Variants in SEL1L3 observed in about 807,000 individuals in gnomAD.
SEL1L3 encodes protein sel-1 homolog 3.
In SEL1L3, 76 loss-of-function variants were observed where a neutral mutation model predicts 142.8. The ratio of observed to expected loss-of-function variants is 0.53; its 90% CI spans 0.44 to 0.64. The LOEUF is 0.64. SEL1L3 is among the 30% of genes least tolerant of loss of function. SEL1L3 has a pLI of 0.00. For missense variants in SEL1L3, 1,262 were observed against 1,381.7 expected (o/e 0.91, Z 1.37); for synonymous variants, 504 against 519.6 (o/e 0.97, Z 0.41).
the SEL1L3 span, among the ~76,000 whole-genome samples, chr4:25,732,667 C>T: frequency 8.6e-5 from 13 of 151,968 alleles, no homozygotes; most frequent in Non-Finnish European, 1.6e-4. Flanking sequence ...GCCTCCCGCC[C>T]CACCACATTT....
chr4:25,830,058 A>C, intron 6 of SEL1L3, 40 bp downstream of exon 6: 1 of 1,373,080 alleles, frequency 7.3e-7, no homozygotes, highest in South Asian at 1.2e-5. Context: ...CTTAACTCGC[A>C]TGCAGGCAAA....
Position 25,748,280 on chromosome 4 carries a change from T to TAA in SEL1L3, c.*143_*144dup. ...TGGGTACTTCCTTGTAATTTGACTT[T>TAA]AAAAAAAATGACACCAATTGCAAAA... On this transcript the variant is annotated 3_prime_UTR_variant, in exon 24 of 24. Coordinates refer to ENST00000399878, the MANE Select transcript of SEL1L3 (RefSeq NM_015187.5). 1.3e-6 allele frequency: 1 copy of TAA among 765,668 alleles called. No individual in the cohort carries two copies. Among genetic ancestry groups the TAA allele is most frequent in the Non-Finnish European group, 2.1e-6 (1 of 484,654 alleles). 47.4% of individuals were successfully genotyped at this position (765,668 alleles called of 1,614,324 possible). A position where few individuals can be genotyped will look rare whatever the true frequency, so the allele number is the denominator to read the frequency against.
At chr4:25,856,293 G>A (rs1717247272) in intron 1 of SEL1L3, among the ~76,000 whole-genome samples, 1 of 152,150 alleles carries the variant, frequency 6.6e-6, no homozygotes, top group South Asian at 2.1e-4. Flanking sequence ...GCTTTGTGGA[G>A]ATAATGCCTT....
chr4:25,723,976 T>G, the SEL1L3 span, among the ~76,000 whole-genome samples: 7 of 152,216 alleles, frequency 4.6e-5, no homozygotes, highest in African/African-American at 1.7e-4. Flanking sequence ...CAGCAGTTGC[T>G]TTCACAAGAG....
At chr4:25,749,184 C>T (rs74904811) in intron 23 of SEL1L3, among the ~76,000 whole-genome samples, 1,525 of 152,204 alleles carry the variant, frequency 0.01, 87 homozygotes, top group Admixed American at 0.085. Context: ...TCCCGGGCCT[C>T]GGTTTCATCA....
chr4:25,755,905 C>T (rs1717924248), intron 23 of SEL1L3: 1 of 985,112 alleles, frequency 1.0e-6, no homozygotes, highest in Non-Finnish European at 1.2e-6. Flanking sequence ...AAATAAATGA[C>T]TATACCTGGC....
downstream of SEL1L3, among the ~76,000 whole-genome samples, chr4:25,743,696 T>C (rs919578657): frequency 2.0e-5 from 3 of 152,196 alleles, no homozygotes; most frequent in South Asian, 6.2e-4. Flanking sequence ...GCCAATCAGA[T>C]ACGCATTTAT....
At chr4:25,769,880 A>G (rs1577576931) in intron 17 of SEL1L3, among the ~76,000 whole-genome samples, 1 of 152,030 alleles carries the variant, frequency 6.6e-6, no homozygotes, top group Non-Finnish European at 1.5e-5. Context: ...GTAATCCCAG[A>G]ACTTTGGGAG....
At chr4:25,715,275 T>C in the SEL1L3 span, among the ~76,000 whole-genome samples, 1 of 152,134 alleles carries the variant, frequency 6.6e-6, no homozygotes, top group African/African-American at 2.4e-5. Context: ...GACCATCACT[T>C]GGGTCCAGGA....
chr4:25,760,918 G>A (rs1479641554), intron 20 of SEL1L3, among the ~76,000 whole-genome samples: 1 of 152,180 alleles, frequency 6.6e-6, no homozygotes, highest in Non-Finnish European at 1.5e-5. Flanking sequence ...CCGAGGCACA[G>A]AGTGGTTAAA....
intron 9 of SEL1L3, among the ~76,000 whole-genome samples, chr4:25,813,691 G>A (rs1714182908): frequency 6.6e-6 from 1 of 152,144 alleles, no homozygotes; most frequent in African/African-American, 2.4e-5. Flanking sequence ...GGTTCAGATG[G>A]CAAATTTTGT....
chr4:25,722,254 T>C, the SEL1L3 span, among the ~76,000 whole-genome samples: 2 of 152,208 alleles, frequency 1.3e-5, no homozygotes, highest in East Asian at 3.9e-4. Context: ...AGGTGCTATC[T>C]CTGATGATAA....
downstream of SEL1L3, among the ~76,000 whole-genome samples, chr4:25,744,118 T>C (rs1717191418): frequency 6.6e-6 from 1 of 152,084 alleles, no homozygotes; most frequent in Admixed American, 6.6e-5. Flanking sequence ...CCAACCTCAT[T>C]TGGAGCTGAG....
intron 11 of SEL1L3, among the ~76,000 whole-genome samples, chr4:25,795,645 G>T (rs1351808053): frequency 6.6e-6 from 1 of 152,172 alleles, no homozygotes; most frequent in African/African-American, 2.4e-5. Context: ...GTGAGTAGCA[G>T]ACCCAGGACC....
At chr4:25,756,480 C>A in intron 23 of SEL1L3, 4 of 984,700 alleles carry the variant, frequency 4.1e-6, no homozygotes, top group Non-Finnish European at 3.6e-6. Flanking sequence ...ATCTTACGTG[C>A]ATTTTTTTTC....
chr4:25,831,513 T>A (rs10011671), intron 5 of SEL1L3, among the ~76,000 whole-genome samples: 24,515 of 99,468 alleles, frequency 0.25, 2,296 homozygotes, highest in East Asian at 0.38. Flanking sequence ...TAATAATAAT[T>A]ATTATTATTA....
intron 19 of SEL1L3, among the ~76,000 whole-genome samples, chr4:25,765,969 T>G (rs915222357): frequency 8.5e-5 from 13 of 152,144 alleles, no homozygotes; most frequent in African/African-American, 3.1e-4. Context: ...GCCAGGTAGC[T>G]CTCCTGAATA....
intron 9 of SEL1L3, among the ~76,000 whole-genome samples, chr4:25,808,377 T>C (rs566829534): frequency 5.9e-5 from 9 of 152,300 alleles, no homozygotes; most frequent in East Asian, 3.9e-4. Context: ...TTTTTTCCCC[T>C]TTTTCACAGT....
chr4:25,748,893 C>T (rs1258383693), intron 23 of SEL1L3, among the ~76,000 whole-genome samples: 2 of 152,200 alleles, frequency 1.3e-5, no homozygotes, highest in African/African-American at 4.8e-5. Context: ...GGGCCCCTTC[C>T]AGTACCTACA....
Sources: gnomAD v4.1 joint callset for allele counts (sites outside exome capture counted in the v4.1 genomes callset) on GRCh38, gnomAD v4.1.1 for gene constraint, MANE v1.5 for transcripts, NCBI Gene and HGNC (gene_info 2026-07-23, HGNC 2026-07-21) for gene names.